Variants in DCLK2 observed in about 807,000 individuals in gnomAD.
DCLK2 encodes the protein doublecortin like kinase 2, also known as serine/threonine-protein kinase DCLK2.
Under a neutral mutation model 78.4 loss-of-function variants are expected in DCLK2, and 31 were observed. The observed-to-expected ratio is 0.40, with a 90% CI of 0.30 to 0.53. DCLK2 has a LOEUF of 0.53. Ranked by LOEUF, DCLK2 falls within the 20% of genes least tolerant of loss-of-function variation. DCLK2 has a pLI of 0.61. For missense variants in DCLK2, 872 were observed against 973.7 expected (o/e 0.90, Z 1.39); for synonymous variants, 407 against 374.9 (o/e 1.09, Z -0.99).
At chr4:150,246,067 C>G (rs1283064635) in intron 12 of DCLK2, among the ~76,000 whole-genome samples, 1 of 146,534 alleles carries the variant, frequency 6.8e-6, no homozygotes, top group East Asian at 2.0e-4. Flanking sequence ...TTTTTTGAGA[C>G]AGAGTCTTGC....
chr4:150,228,017 G>A (rs1741744201), intron 8 of DCLK2, among the ~76,000 whole-genome samples: 2 of 152,188 alleles, frequency 1.3e-5, no homozygotes, highest in South Asian at 2.1e-4. Context: ...TTGCCTGCAA[G>A]CATCCAGTGA....
chr4:150,184,070 G>A (rs992165176), intron 2 of DCLK2, among the ~76,000 whole-genome samples: 6 of 152,182 alleles, frequency 3.9e-5, no homozygotes, highest in African/African-American at 9.7e-5. Context: ...CAACAGAAAT[G>A]TATTAAGCAA....
chr4:150,179,279 C>T (rs185995769), intron 2 of DCLK2, among the ~76,000 whole-genome samples: 268 of 152,252 alleles, frequency 1.8e-3, no homozygotes, highest in African/African-American at 6.3e-3. Context: ...TCACCCACCT[C>T]GGCCTCCCAA....
intron 8 of DCLK2, among the ~76,000 whole-genome samples, chr4:150,231,842 T>A: frequency 6.6e-6 from 1 of 152,258 alleles, no homozygotes; most frequent in African/African-American, 2.4e-5. Flanking sequence ...AATTTCAGCA[T>A]GAAATTCAAA....
At chr4:150,102,962 TG>T in intron 2 of DCLK2, 150 bp downstream of exon 2, 1 of 736,938 alleles carries the variant, frequency 1.4e-6, no homozygotes, top group Non-Finnish European at 2.1e-6. Context: ...TATGTGTGTG[TG>T]TGTGTATGTA....
chr4:150,103,428 C>T (rs1731021795), intron 2 of DCLK2, among the ~76,000 whole-genome samples: 1 of 152,062 alleles, frequency 6.6e-6, no homozygotes, highest in South Asian at 2.1e-4. Flanking sequence ...AAAAAGTTGG[C>T]ATATTGCAAA....
At chr4:150,232,651 G>A in intron 9 of DCLK2, 31 bp from the exon 10 acceptor site, 1 of 1,608,746 alleles carries the variant, frequency 6.2e-7, no homozygotes, top group Non-Finnish European at 8.5e-7. Context: ...CACTGTTGAT[G>A]CTTTGATATG....
intron 1 of DCLK2, among the ~76,000 whole-genome samples, chr4:150,097,796 C>G (rs552267521): frequency 2.6e-5 from 4 of 152,182 alleles, no homozygotes; most frequent in African/African-American, 9.6e-5. Flanking sequence ...CCAAAACCCT[C>G]TTTGTATATA....
intron 2 of DCLK2, among the ~76,000 whole-genome samples, chr4:150,173,960 G>T (rs1387252410): frequency 6.6e-6 from 1 of 152,116 alleles, no homozygotes; most frequent in Non-Finnish European, 1.5e-5. Context: ...AAGTCGAAGG[G>T]GTTATGAATC....
intron 2 of DCLK2, among the ~76,000 whole-genome samples, chr4:150,146,739 C>G (rs1394397089): frequency 1.3e-5 from 2 of 152,090 alleles, no homozygotes; most frequent in African/African-American, 4.8e-5. Flanking sequence ...AAAGAATCCT[C>G]AGATATATGA....
chr4:150,204,008 T>A, intron 5 of DCLK2, 119 bp downstream of exon 5: 1 of 923,764 alleles, frequency 1.1e-6, no homozygotes, highest in Admixed American at 2.6e-5. Flanking sequence ...TTTTAGGATT[T>A]TGAGCCTGGT....
intron 15 of DCLK2, among the ~76,000 whole-genome samples, chr4:150,255,670 C>T (rs1273091108): frequency 6.6e-6 from 1 of 152,148 alleles, no homozygotes; most frequent in East Asian, 1.9e-4. Context: ...GACTGAGCAC[C>T]CTTGTAAGGT....
intron 2 of DCLK2, among the ~76,000 whole-genome samples, chr4:150,173,855 T>C (rs1736734252): frequency 6.6e-6 from 1 of 152,148 alleles, no homozygotes; most frequent in Non-Finnish European, 1.5e-5. Context: ...CTTTATTACA[T>C]GAACAGCTCA....
At chr4:150,142,548 G>A (rs61172197) in intron 2 of DCLK2, among the ~76,000 whole-genome samples, 5,293 of 152,150 alleles carry the variant, frequency 0.035, 275 homozygotes, top group African/African-American at 0.12. Flanking sequence ...CCAAATTGCT[G>A]TCAGTTTCCT....
At chr4:150,225,799 C>T (rs1741559346) in intron 8 of DCLK2, among the ~76,000 whole-genome samples, 1 of 152,170 alleles carries the variant, frequency 6.6e-6, no homozygotes, top group Non-Finnish European at 1.5e-5. Context: ...ATGCTGGACA[C>T]TGCTGCTCTA....
intron 2 of DCLK2, among the ~76,000 whole-genome samples, chr4:150,186,246 G>A (rs376752424): frequency 1.2e-4 from 18 of 151,476 alleles, no homozygotes; most frequent in African/African-American, 3.6e-4. Flanking sequence ...TTCCTCAGAC[G>A]GATTTAGCGA....
At chr4:150,225,078 G>A (rs1741499289) in intron 8 of DCLK2, among the ~76,000 whole-genome samples, 1 of 152,166 alleles carries the variant, frequency 6.6e-6, no homozygotes, top group Admixed American at 6.5e-5. Context: ...GTCATAGCTG[G>A]GGAACTCTGA....
intron 2 of DCLK2, among the ~76,000 whole-genome samples, chr4:150,185,432 T>TA (rs1333609842): frequency 6.6e-6 from 1 of 151,816 alleles, no homozygotes; most frequent in Admixed American, 6.6e-5. Context: ...TTTTTTTTTT[T>TA]AATCAGACCT....
intron 2 of DCLK2, among the ~76,000 whole-genome samples, chr4:150,114,373 GTCTA>G (rs1484843793): frequency 3.3e-5 from 5 of 152,106 alleles, no homozygotes; most frequent in Non-Finnish European, 7.4e-5. Flanking sequence ...TTGTGTTGCT[GTCTA>G]TCTCTTTTCT....
Sources: allele counts gnomAD v4.1 joint callset (sites outside exome capture counted in the v4.1 genomes callset), GRCh38; gene constraint gnomAD v4.1.1; transcripts MANE v1.5; gene names NCBI Gene and HGNC (gene_info 2026-07-23, HGNC 2026-07-21).